PLXDC2: variants seen among roughly 807,000 people sequenced by gnomAD.
The protein encoded by PLXDC2 is plexin domain-containing protein 2.
Under a neutral mutation model 68.9 loss-of-function variants are expected in PLXDC2, and 40 were observed. The ratio of observed to expected loss-of-function variants is 0.58; its 90% CI spans 0.45 to 0.76. PLXDC2 has a LOEUF of 0.76. PLXDC2 is among the 30% of genes least tolerant of loss of function. The probability of loss-of-function intolerance (pLI) is 0.00; values close to 1 mark genes in which losing one functional copy is unlikely to be tolerated. For missense variants in PLXDC2, 644 were observed against 661.9 expected (o/e 0.97, Z 0.30); for synonymous variants, 243 against 234.2 (o/e 1.04, Z -0.34).
chr10:20,259,007 CAAA>C (rs59615493), intron 13 of PLXDC2, among the ~76,000 whole-genome samples: 8 of 102,122 alleles, frequency 7.8e-5, no homozygotes, highest in Admixed American at 1.1e-4. Context: ...TACTCCGTCT[CAAA>C]AAAAAAAAAA....
At chr10:20,197,650 C>T (rs1404257139) in intron 9 of PLXDC2, among the ~76,000 whole-genome samples, 3 of 151,904 alleles carry the variant, frequency 2.0e-5, no homozygotes, top group Non-Finnish European at 2.9e-5. Flanking sequence ...GCCTCCGCAC[C>T]CGGCCTTTAT....
In PLXDC2 at chr10:19,922,109, G is replaced by A. The variant is rs138580024; in HGVS notation, c.113-79666G>A. ...CCTGACCTCAAGTGATCTGCCTGCC[G>A]CAGCCTCCCAAAGTGCTGGGATTAC... On this transcript the variant is annotated intron_variant, in intron 1 of 13. Coordinates refer to ENST00000377252, the MANE Select transcript of PLXDC2 (RefSeq NM_032812.9). Among the ~76,000 whole-genome samples the A allele has an allele frequency of 4.2e-3, 632 of 152,110 alleles. 4 individuals carry two copies. The highest frequency in any genetic ancestry group is 0.015 in the African/African-American group (607 of 41,526).
chr10:19,819,805 A>G (rs1836429575), intron 1 of PLXDC2, among the ~76,000 whole-genome samples: 1 of 152,180 alleles, frequency 6.6e-6, no homozygotes. Flanking sequence ...TTGAAATATT[A>G]CTCATTTGTA....
At chr10:19,892,210 C>T (rs1837974835) in intron 1 of PLXDC2, among the ~76,000 whole-genome samples, 1 of 152,152 alleles carries the variant, frequency 6.6e-6, no homozygotes, top group African/African-American at 2.4e-5. Context: ...CAGCCACTGT[C>T]TAAGGGCTCT....
chr10:20,229,436 T>C (rs1263033256), intron 12 of PLXDC2, among the ~76,000 whole-genome samples: 1 of 149,996 alleles, frequency 6.7e-6, no homozygotes, highest in African/African-American at 2.5e-5. Flanking sequence ...TGAGGTTGTA[T>C]GATTTCAACA....
intron 1 of PLXDC2, among the ~76,000 whole-genome samples, chr10:19,929,235 TAAC>T (rs1228862629): frequency 2.0e-5 from 3 of 151,462 alleles, no homozygotes; most frequent in African/African-American, 4.8e-5. Flanking sequence ...AAAAAATAAA[TAAC>T]AACAACAACG....
intron 4 of PLXDC2, among the ~76,000 whole-genome samples, chr10:20,134,354 G>A (rs542072594): frequency 6.6e-6 from 1 of 152,252 alleles, no homozygotes; most frequent in Admixed American, 6.5e-5. Context: ...CAGTCTTTAT[G>A]TACTGATGTT....
rs572872215 is a variant in PLXDC2, at chr10:20,211,915, A to T, written c.1122+186A>T. 3.9e-5 allele frequency among the ~76,000 whole-genome samples: 6 copies of T among 152,266 alleles called. No homozygotes were observed. In the South Asian group the frequency reaches 6.2e-4, roughly 16 times the overall value. ...CAGCTGGCTATTTTTGTTAAATTAGATAACATTTTCATTACATTGTAGCAA... is the reference window on the plus strand; with the variant it reads ...CAGCTGGCTATTTTTGTTAAATTAGTTAACATTTTCATTACATTGTAGCAA... On this transcript the variant is annotated intron_variant, in intron 10 of 13. Coordinates refer to ENST00000377252, the MANE Select transcript of PLXDC2 (RefSeq NM_032812.9).
At position 19,867,559 on chromosome 10, in the gene PLXDC2, G is replaced by A. The variant is rs918841079; in HGVS notation, c.112+50368G>A. Among the ~76,000 whole-genome samples, 3 of 152,206 alleles carry A rather than the reference G, an allele frequency of 2.0e-5. No individual in the cohort carries two copies. The East Asian group carries it at 5.8e-4, about 29-fold the overall frequency. On this transcript the variant is annotated intron_variant, in intron 1 of 13. Transcript: ENST00000377252. ...CTATTATTACCTTCTTACTTCTCAGGTTGCTCCCTGACTCCTCAAGGCTAA... is the reference window on the plus strand; with the variant it reads ...CTATTATTACCTTCTTACTTCTCAGATTGCTCCCTGACTCCTCAAGGCTAA...
intron 4 of PLXDC2, among the ~76,000 whole-genome samples, chr10:20,131,055 G>A (rs1833860438): frequency 6.6e-6 from 1 of 151,958 alleles, no homozygotes; most frequent in African/African-American, 2.4e-5. Context: ...TAGTATTGGT[G>A]TTAAATATCC....
chr10:20,157,676 AC>A (rs1454679215), intron 6 of PLXDC2, among the ~76,000 whole-genome samples: 1 of 151,964 alleles, frequency 6.6e-6, no homozygotes, highest in African/African-American at 2.4e-5. Context: ...TACTATTTTT[AC>A]CCCTGACATC....
intron 1 of PLXDC2, among the ~76,000 whole-genome samples, chr10:19,929,277 G>GT (rs1003887811): frequency 5.9e-5 from 9 of 151,946 alleles, no homozygotes; most frequent in African/African-American, 2.2e-4. Flanking sequence ...GAGGGTAGCA[G>GT]TTTTTTACTG....
chr10:20,225,597 T>C (rs1835276000), intron 12 of PLXDC2, among the ~76,000 whole-genome samples: 1 of 152,212 alleles, frequency 6.6e-6, no homozygotes, highest in South Asian at 2.1e-4. Context: ...TCTTCTACTT[T>C]ACAATGTTAA....
chr10:20,085,921 A>G (rs1833186126), intron 4 of PLXDC2, among the ~76,000 whole-genome samples: 1 of 152,196 alleles, frequency 6.6e-6, no homozygotes, highest in African/African-American at 2.4e-5. Context: ...TTAGGCATAA[A>G]TTCCTACAGC....
chr10:19,901,038 C>T (rs1321176307), intron 1 of PLXDC2, among the ~76,000 whole-genome samples: 2 of 149,170 alleles, frequency 1.3e-5, no homozygotes, highest in East Asian at 2.0e-4. Context: ...TATATATACA[C>T]ATATATATAT....
At chr10:20,013,788 A>G (rs1290564381) in intron 2 of PLXDC2, among the ~76,000 whole-genome samples, 1 of 152,222 alleles carries the variant, frequency 6.6e-6, no homozygotes, top group African/African-American at 2.4e-5. Flanking sequence ...TTTCTTTAAC[A>G]TATTTTAATA....
chr10:19,859,044 G>C (rs80025623), intron 1 of PLXDC2, among the ~76,000 whole-genome samples: 11,963 of 150,794 alleles, frequency 0.079, 1,599 homozygotes, highest in African/African-American at 0.28. Flanking sequence ...GAGAGAGAGA[G>C]AGAGCGAGGG....
intron 13 of PLXDC2, among the ~76,000 whole-genome samples, chr10:20,263,650 A>G (rs1224167367): frequency 6.6e-6 from 1 of 152,220 alleles, no homozygotes; most frequent in Non-Finnish European, 1.5e-5. Flanking sequence ...CTCATTAAAA[A>G]GTGGGCAAAG....
chr10:19,984,905 T>C (rs912542356), intron 1 of PLXDC2, among the ~76,000 whole-genome samples: 1 of 152,238 alleles, frequency 6.6e-6, no homozygotes, highest in Non-Finnish European at 1.5e-5. Flanking sequence ...AGAGATTTTA[T>C]TGATGTTCAA....
Sources: allele counts gnomAD v4.1 joint callset (sites outside exome capture counted in the v4.1 genomes callset), GRCh38; gene constraint gnomAD v4.1.1; transcripts MANE v1.5; gene names NCBI Gene and HGNC (gene_info 2026-07-23, HGNC 2026-07-21).